Variants in PLEKHA6 observed in about 807,000 individuals in gnomAD.
PLEKHA6 encodes the protein pleckstrin homology domain containing A6.
PLEKHA6 carries 60 observed loss-of-function variants against 116.7 expected under a neutral mutation model. The observed-to-expected ratio is 0.51, with a 90% CI of 0.42 to 0.64. PLEKHA6 has a LOEUF of 0.64. Ranked by LOEUF, PLEKHA6 falls within the 30% of genes least tolerant of loss-of-function variation. The probability of loss-of-function intolerance (pLI) is 0.00; values close to 1 mark genes in which losing one functional copy is unlikely to be tolerated. For synonymous variants in PLEKHA6, 489 were observed against 556.1 expected, an observed-to-expected ratio of 0.88 and a Z score of 1.70; for missense variants, 1,338 against 1,422.7, an observed-to-expected ratio of 0.94 and a Z score of 0.96.
chr1:204,248,767 C>A lies in PLEKHA6; in HGVS notation c.1824+54G>T, dbSNP rs1664130225. Reference sequence around the variant, plus strand: ...ACAGCACAAGCTGGGAGGTGGTGGCCCTGCTGCCTAGTGCTGATGAGGTGG... The same window carrying A: ...ACAGCACAAGCTGGGAGGTGGTGGCACTGCTGCCTAGTGCTGATGAGGTGG... On this transcript the variant is annotated intron_variant, in intron 12 of 22. Transcript: ENST00000272203. 1.3e-6 allele frequency: 2 copies of A among 1,555,442 alleles called. 1 individual carries two copies. Among genetic ancestry groups the A allele is most frequent in the South Asian group, 2.3e-5 (2 of 87,288 alleles).
chr1:204,230,233 A>C (rs56078560), intron 18 of PLEKHA6, among the ~76,000 whole-genome samples, 180 bp downstream of exon 18: 2,892 of 152,360 alleles, frequency 0.019, 79 homozygotes, highest in African/African-American at 0.062. Context: ...AAAAGTCAAC[A>C]CTTGAAGGAC....
intron 1 of PLEKHA6, chr1:204,297,965 T>C: frequency 2.2e-6 from 2 of 910,904 alleles, no homozygotes; most frequent in African/African-American, 3.6e-5. Flanking sequence ...CCCCATTGAC[T>C]TGCCTGAACC....
At position 204,257,423 on chromosome 1, in the gene PLEKHA6, G is replaced by T; in HGVS notation, c.1454C>A (p.Pro485Gln). 1 of 1,565,388 alleles carries T rather than the reference G, an allele frequency of 6.4e-7. No individual in the cohort carries two copies. Among genetic ancestry groups the T allele is most frequent in the East Asian group, 2.4e-5 (1 of 42,420 alleles). The change falls in exon 9 of 23, where the codon CCA becomes CAA. Residue 485 changes from proline (P) to glutamine (Q), a missense_variant. By Grantham distance (76) the Pro-to-Gln change is moderately conservative (BLOSUM62 -1). Coordinates refer to ENST00000272203, the MANE Select transcript of PLEKHA6 (RefSeq NM_014935.5). This position sits in a 1 kb window ranked among gnomAD's most constrained non-coding sequence, Gnocchi z 6.5. Reference protein sequence around the residue: ...RSPSARFERLPPRSEDIYADP... With the variant: ...RSPSARFERLQPRSEDIYADP... ...AGCATAGATGTCCTCACTGCGAGGT[G>T]GCAGCCGCTCAAAACGGGCACTGGG... is the stretch of plus-strand genomic sequence containing the variant.
chr1:204,306,853 G>A (rs1204227773), intron 1 of PLEKHA6, among the ~76,000 whole-genome samples: 1 of 152,046 alleles, frequency 6.6e-6, no homozygotes, highest in Non-Finnish European at 1.5e-5. Context: ...AAAAAAACAA[G>A]TGTTCTAAGC....
In PLEKHA6 at chr1:204,286,227, T is replaced by C. The variant is rs150926039; in HGVS notation, c.-94-11418A>G. 5.3e-3 allele frequency among the ~76,000 whole-genome samples: 813 copies of C among 152,158 alleles called. 7 individuals are homozygous for C. Among genetic ancestry groups the C allele is most frequent in the African/African-American group, 0.019 (781 of 41,498 alleles). On this transcript the variant is annotated intron_variant, in intron 1 of 22. Coordinates refer to ENST00000272203, the MANE Select transcript of PLEKHA6 (RefSeq NM_014935.5). The stretch of plus-strand genomic sequence containing the variant: ...AATCTCAGAGGAACGGAAGAGGTGC[T>C]CCTAGGCCTAGACCTAGCCTAGAGA...
chr1:204,313,756 G>C (rs16853274), intron 1 of PLEKHA6: 1 of 955,098 alleles, frequency 1.0e-6, no homozygotes, highest in East Asian at 1.2e-4. Context: ...GTCATTAGCA[G>C]AGAGCACCAT....
chr1:204,260,850 G>A (rs1283973125), intron 7 of PLEKHA6, among the ~76,000 whole-genome samples: 3 of 152,222 alleles, frequency 2.0e-5, no homozygotes, highest in South Asian at 2.1e-4. Flanking sequence ...ACAACCCTAT[G>A]AGGTAGAGTT....
chr1:204,233,665 T>C (rs1661545960), intron 17 of PLEKHA6, among the ~76,000 whole-genome samples: 1 of 152,244 alleles, frequency 6.6e-6, no homozygotes, highest in South Asian at 2.1e-4. Flanking sequence ...TCCAGACTGG[T>C]CTCAAATTCC....
chr1:204,310,126 C>A (rs565811766), intron 1 of PLEKHA6, among the ~76,000 whole-genome samples: 37 of 151,984 alleles, frequency 2.4e-4, no homozygotes, highest in African/African-American at 8.7e-4. Context: ...TCACAGTTGG[C>A]CGACCCCTAG....
chr1:204,376,541 T>C (rs1305201291), intron 1 of PLEKHA6, among the ~76,000 whole-genome samples: 1 of 152,240 alleles, frequency 6.6e-6, no homozygotes, highest in African/African-American at 2.4e-5. Flanking sequence ...AAAGCAAATG[T>C]GGAAACTTAG....
intron 1 of PLEKHA6, among the ~76,000 whole-genome samples, chr1:204,325,143 A>G (rs1672197609): frequency 1.3e-5 from 2 of 152,142 alleles, no homozygotes; most frequent in African/African-American, 2.4e-5. Context: ...AGATGCAACT[A>G]TTTTGATTGT....
chr1:204,255,592 G>A (rs1311207469), intron 9 of PLEKHA6: 2 of 701,998 alleles, frequency 2.8e-6, no homozygotes, highest in Non-Finnish European at 5.2e-6. Flanking sequence ...CAGGAAGGCA[G>A]TGGGATGATA....
chr1:204,297,801 A>T (rs774291061), intron 1 of PLEKHA6: 10 of 683,852 alleles, frequency 1.5e-5, no homozygotes, highest in Non-Finnish European at 1.6e-5. Flanking sequence ...GCTAACTATG[A>T]GCTGTTTCTT....
chr1:204,328,889 G>A (rs1672347527), intron 1 of PLEKHA6, among the ~76,000 whole-genome samples: 1 of 152,184 alleles, frequency 6.6e-6, no homozygotes, highest in South Asian at 2.1e-4. Context: ...ACCTTATAAG[G>A]CTGGATAGAA....
At chr1:204,348,415 G>A (rs964866503) in intron 1 of PLEKHA6, among the ~76,000 whole-genome samples, 5 of 151,980 alleles carry the variant, frequency 3.3e-5, no homozygotes, top group African/African-American at 9.7e-5. Context: ...TGCCTTGCCC[G>A]TTCTTCTGTT....
At chr1:204,274,344 C>CT (rs1421133122) in intron 2 of PLEKHA6, among the ~76,000 whole-genome samples, 2 of 152,122 alleles carry the variant, frequency 1.3e-5, no homozygotes, top group Non-Finnish European at 2.9e-5. Flanking sequence ...ATCCTCTTTT[C>CT]TTTTTTTCTC....
intron 17 of PLEKHA6, among the ~76,000 whole-genome samples, chr1:204,234,921 G>A (rs570987275): frequency 2.9e-5 from 4 of 139,870 alleles, no homozygotes; most frequent in East Asian, 4.2e-4. Context: ...GGGACCTTGG[G>A]ATCATGTAAG....
chr1:204,328,045 A>T (rs866093886), intron 1 of PLEKHA6, among the ~76,000 whole-genome samples: 4 of 125,650 alleles, frequency 3.2e-5, no homozygotes, highest in African/African-American at 9.7e-5. Context: ...GCTTTTATTT[A>T]TTTTATTTAT....
At chr1:204,374,407 G>A (rs1034332663) in intron 1 of PLEKHA6, among the ~76,000 whole-genome samples, 4 of 152,042 alleles carry the variant, frequency 2.6e-5, no homozygotes, top group Admixed American at 6.6e-5. Context: ...GCCCCTCTCC[G>A]GCACAGAGGA....
Sources: allele counts gnomAD v4.1 joint callset (sites outside exome capture counted in the v4.1 genomes callset), GRCh38; gene constraint gnomAD v4.1.1; non-coding constraint Gnocchi (gnomAD v3.1); transcripts MANE v1.5; gene names NCBI Gene and HGNC (gene_info 2026-07-23, HGNC 2026-07-21).